WDR72: variants seen among roughly 807,000 people sequenced by gnomAD.
WDR72 encodes WD repeat-containing protein 72.
In WDR72, 120 loss-of-function variants were observed where a neutral mutation model predicts 124.2. That is an observed-to-expected ratio of 0.97 (90% CI 0.83 to 1.12). WDR72 has a LOEUF of 1.12. Among genes scored for constraint, WDR72 ranks in the 50% most tolerant of loss-of-function variants. WDR72 has a pLI of 0.00. For synonymous variants in WDR72, 452 were observed against 441.7 expected, an observed-to-expected ratio of 1.02 and a Z score of -0.29; for missense variants, 1,387 against 1,278.8, an observed-to-expected ratio of 1.08 and a Z score of -1.29.
intron 18 of WDR72, among the ~76,000 whole-genome samples, chr15:53,546,544 T>C (rs1038401012): frequency 1.3e-5 from 2 of 151,708 alleles, no homozygotes; most frequent in African/African-American, 4.9e-5. Flanking sequence ...GGGATAGCAT[T>C]GGGAGATATA....
chr15:53,639,761 A>G (rs917815716), intron 14 of WDR72, among the ~76,000 whole-genome samples: 4 of 151,842 alleles, frequency 2.6e-5, no homozygotes, highest in African/African-American at 9.7e-5. Flanking sequence ...CCATCTACAG[A>G]AATTGTAGTC....
At chr15:53,743,754 A>T (rs937943667) in intron 1 of WDR72, among the ~76,000 whole-genome samples, 19 of 152,030 alleles carry the variant, frequency 1.2e-4, no homozygotes, top group Non-Finnish European at 2.1e-4. Context: ...AGATGGGTGG[A>T]TCACAAGGTC....
chr15:53,599,550 T>C (rs1401889079), intron 17 of WDR72, among the ~76,000 whole-genome samples: 2 of 152,170 alleles, frequency 1.3e-5, no homozygotes, highest in African/African-American at 4.8e-5. Context: ...GAAATTGCTC[T>C]TTCTATACTC....
In WDR72 at chr15:53,665,644, T is replaced by G. The variant is rs2015752593; in HGVS notation, c.1890A>C (p.Glu630Asp). 6.2e-7 allele frequency: 1 copy of G among 1,613,910 alleles called. No individual in the cohort carries two copies. The highest frequency in any genetic ancestry group is 8.5e-7 in the Non-Finnish European group (1 of 1,179,876). The stretch of plus-strand genomic sequence containing the variant: ...GCTGGTAGGGGCTGGAGGATCTCTG[T>G]TCTATACTTTTGTGCTTAAGTGTCT... ...ASETLKHKSI[E>D]QRSSSPYQLG... is the part of the protein sequence containing the mutation. The change falls in exon 14 of 20, where the codon GAA becomes GAC. Residue 630 changes from glutamate (E) to aspartate (D), a missense_variant. By Grantham distance (45) the Glu-to-Asp change is conservative (BLOSUM62 2). Coordinates refer to ENST00000360509, the MANE Select transcript of WDR72 (RefSeq NM_182758.4).
In WDR72 at chr15:53,741,559, C is replaced by T. The variant is rs545257108; in HGVS notation, c.-12-8398G>A. On this transcript the variant is annotated intron_variant, in intron 1 of 19. Coordinates refer to ENST00000360509, the MANE Select transcript of WDR72 (RefSeq NM_182758.4). ...TCACTATTCTTATGAGGAACAAATA[C>T]AATGATGTAAACAAAAGCATATGGG... Among the ~76,000 whole-genome samples, 20 of 152,214 alleles carry T rather than the reference C, an allele frequency of 1.3e-4. No homozygotes were observed. In the South Asian group the frequency reaches 2.3e-3, roughly 17 times the overall value.
At chr15:53,552,134 G>T (rs544962286) in intron 18 of WDR72, among the ~76,000 whole-genome samples, 35 of 149,514 alleles carry the variant, frequency 2.3e-4, no homozygotes, top group African/African-American at 8.3e-4. Context: ...TATCATGTGT[G>T]TGTGTGTGTG....
intron 14 of WDR72, among the ~76,000 whole-genome samples, chr15:53,634,843 G>A (rs1407576588): frequency 6.6e-6 from 1 of 152,174 alleles, no homozygotes; most frequent in Non-Finnish European, 1.5e-5. Flanking sequence ...ATGGGTAGGG[G>A]GACTGAATGG....
chr15:53,582,909 G>A (rs1245357598), intron 18 of WDR72, among the ~76,000 whole-genome samples: 2 of 151,716 alleles, frequency 1.3e-5, no homozygotes, highest in Non-Finnish European at 2.9e-5. Context: ...TTTAAAATGG[G>A]CAATATATTT....
At position 53,517,648 on chromosome 15, in the gene WDR72, T is replaced by C. The variant is rs1232880150; in HGVS notation, c.*51A>G. The stretch of plus-strand genomic sequence containing the variant: ...TATACAGTAATAAACAAATGGCATC[T>C]TTTGGATTTCTTAATTTGTCCAAAT... On this transcript the variant is annotated 3_prime_UTR_variant, in exon 20 of 20. Coordinates refer to ENST00000360509, the MANE Select transcript of WDR72 (RefSeq NM_182758.4). The C allele has an allele frequency of 6.3e-7, 1 of 1,583,028 alleles. No individual in the cohort carries two copies. Among genetic ancestry groups the C allele is most frequent in the Non-Finnish European group, 8.7e-7 (1 of 1,152,144 alleles).
chr15:53,717,406 GAA>G (rs1231559362), intron 3 of WDR72, among the ~76,000 whole-genome samples: 1 of 152,008 alleles, frequency 6.6e-6, no homozygotes, highest in African/African-American at 2.4e-5. Flanking sequence ...GCAAGAAAAA[GAA>G]AAGTTTTATA....
intron 1 of WDR72, among the ~76,000 whole-genome samples, chr15:53,751,216 C>A (rs767898511): frequency 1.3e-5 from 2 of 151,420 alleles, no homozygotes; most frequent in Non-Finnish European, 2.9e-5. Context: ...TGAGACCAGC[C>A]TGGGCAACAT....
At chr15:53,576,223 A>T (rs1894751146) in intron 18 of WDR72, among the ~76,000 whole-genome samples, 1 of 143,850 alleles carries the variant, frequency 7.0e-6, no homozygotes, top group Non-Finnish European at 1.6e-5. Context: ...ACCTCAAAGT[A>T]TGTGTTTGCC....
At chr15:53,655,257 A>T in intron 14 of WDR72, among the ~76,000 whole-genome samples, 1 of 148,060 alleles carries the variant, frequency 6.8e-6, no homozygotes, top group Non-Finnish European at 1.5e-5. Context: ...AAAAAAAAAA[A>T]AAAGAGATCT....
chr15:53,623,444 G>A (rs1235826858), intron 14 of WDR72, among the ~76,000 whole-genome samples: 1 of 151,706 alleles, frequency 6.6e-6, no homozygotes, highest in Non-Finnish European at 1.5e-5. Flanking sequence ...CTAAGAACAT[G>A]ATTTCATTCT....
chr15:53,562,186 T>C (rs1894147656), intron 18 of WDR72, among the ~76,000 whole-genome samples: 1 of 151,824 alleles, frequency 6.6e-6, no homozygotes, highest in Non-Finnish European at 1.5e-5. Flanking sequence ...TAATTAGTAG[T>C]AGAACATCCA....
chr15:53,615,160 T>C (rs115231545), intron 15 of WDR72, among the ~76,000 whole-genome samples: 324 of 152,180 alleles, frequency 2.1e-3, no homozygotes, highest in African/African-American at 6.8e-3. Context: ...TCCCACACTA[T>C]GTCTTTCCTG....
chr15:53,607,527 T>C (rs2013339911), intron 17 of WDR72, among the ~76,000 whole-genome samples: 1 of 152,174 alleles, frequency 6.6e-6, no homozygotes, highest in Non-Finnish European at 1.5e-5. Flanking sequence ...CAAAATGGAT[T>C]GAAGACTTAA....
intron 12 of WDR72, 59 bp from the exon 13 acceptor site, chr15:53,700,004 G>A: frequency 3.1e-6 from 5 of 1,603,484 alleles, no homozygotes; most frequent in Non-Finnish European, 4.3e-6. Context: ...TTATGAGTAA[G>A]TCAGATTTTT....
chr15:53,533,219 G>C (rs895665582), intron 18 of WDR72, among the ~76,000 whole-genome samples: 1 of 152,098 alleles, frequency 6.6e-6, no homozygotes, highest in Non-Finnish European at 1.5e-5. Flanking sequence ...GGAAGTAATG[G>C]GGAGGACAGT....
Sources: allele counts gnomAD v4.1 joint callset (sites outside exome capture counted in the v4.1 genomes callset), GRCh38; gene constraint gnomAD v4.1.1; transcripts MANE v1.5; gene names NCBI Gene and HGNC (gene_info 2026-07-23, HGNC 2026-07-21).